Variants in CNIH3 observed in about 807,000 individuals in gnomAD.
The protein encoded by CNIH3 is cornichon family AMPA receptor auxiliary protein 3.
A neutral mutation model predicts 24.1 loss-of-function variants in CNIH3; 14 were observed. The ratio of observed to expected loss-of-function variants is 0.58; its 90% CI spans 0.38 to 0.91. The LOEUF (loss-of-function observed/expected upper bound fraction) is 0.91, where lower values mean the gene tolerates loss of function less well. CNIH3 is among the 40% of genes least tolerant of loss of function. The pLI is 0.00. For synonymous variants in CNIH3, 68 were observed against 73.8 expected, an observed-to-expected ratio of 0.92 and a Z score of 0.40; for missense variants, 178 against 196.8, an observed-to-expected ratio of 0.90 and a Z score of 0.57.
chr1:224,501,898 A>T (rs1205411729), intron 1 of CNIH3, among the ~76,000 whole-genome samples: 1 of 152,096 alleles, frequency 6.6e-6, no homozygotes, highest in Non-Finnish European at 1.5e-5. Flanking sequence ...GTTTGTGACC[A>T]GCTACTTTCC....
intron 1 of CNIH3, among the ~76,000 whole-genome samples, chr1:224,453,563 C>G (rs556380809): frequency 2.6e-5 from 4 of 152,134 alleles, no homozygotes; most frequent in South Asian, 4.2e-4. Flanking sequence ...AGTTCTAACA[C>G]CATAATCAGA....
intron 3 of CNIH3, among the ~76,000 whole-genome samples, chr1:224,547,939 TG>T (rs1679766559): frequency 6.6e-6 from 1 of 151,916 alleles, no homozygotes; most frequent in Non-Finnish European, 1.5e-5. Context: ...AATATCACAG[TG>T]GGTAGACACC....
chr1:224,467,373 T>A (rs1676190326), intron 1 of CNIH3, among the ~76,000 whole-genome samples: 2 of 151,890 alleles, frequency 1.3e-5, no homozygotes, highest in Admixed American at 6.6e-5. Flanking sequence ...CAGAGCAAAA[T>A]TTTCTAATTC....
At chr1:224,446,986 T>C (rs1394463672) in intron 1 of CNIH3, among the ~76,000 whole-genome samples, 2 of 152,106 alleles carry the variant, frequency 1.3e-5, no homozygotes, top group East Asian at 3.9e-4. Context: ...CTTTGGAGGA[T>C]GGTATAAGAA....
intron 1 of CNIH3, among the ~76,000 whole-genome samples, chr1:224,506,823 T>C (rs1253337987): frequency 6.6e-6 from 1 of 152,082 alleles, no homozygotes; most frequent in Non-Finnish European, 1.5e-5. Flanking sequence ...GCTCAGTATC[T>C]ACACGTTGAT....
At chr1:224,534,762 C>A (rs540602359) in intron 2 of CNIH3, among the ~76,000 whole-genome samples, 1 of 152,212 alleles carries the variant, frequency 6.6e-6, no homozygotes, top group Non-Finnish European at 1.5e-5. Flanking sequence ...ACCTGCACCC[C>A]CTCAAGTTTT....
chr1:224,459,507 T>A (rs563830861), intron 1 of CNIH3, among the ~76,000 whole-genome samples: 2 of 152,320 alleles, frequency 1.3e-5, no homozygotes, highest in African/African-American at 4.8e-5. Flanking sequence ...AACTTCTATC[T>A]TGGGCGAGGC....
intron 1 of CNIH3, among the ~76,000 whole-genome samples, chr1:224,666,129 A>G (rs536723068): frequency 6.6e-6 from 1 of 152,284 alleles, no homozygotes; most frequent in East Asian, 1.9e-4. Context: ...ACTGAGACAT[A>G]GGGGATAAAG....
intron 1 of CNIH3, among the ~76,000 whole-genome samples, chr1:224,491,895 A>G (rs1677250246): frequency 6.6e-6 from 1 of 152,160 alleles, no homozygotes. Context: ...GGCATGAGCC[A>G]CTGCACCTGG....
At chr1:224,605,083 T>A (rs886699836) in intron 3 of CNIH3, among the ~76,000 whole-genome samples, 1 of 152,048 alleles carries the variant, frequency 6.6e-6, no homozygotes, top group Non-Finnish European at 1.5e-5. Flanking sequence ...GGCATGACAG[T>A]GTAGAAAACC....
At chr1:224,463,768 T>C (rs1676029667) in intron 1 of CNIH3, among the ~76,000 whole-genome samples, 1 of 131,092 alleles carries the variant, frequency 7.6e-6, no homozygotes, top group East Asian at 2.4e-4. Flanking sequence ...TTATGAATTG[T>C]CCTCATTTTT....
intron 1 of CNIH3, among the ~76,000 whole-genome samples, chr1:224,672,234 T>C (rs1372449019): frequency 6.6e-6 from 1 of 152,100 alleles, no homozygotes; most frequent in African/African-American, 2.4e-5. Flanking sequence ...GGGGGGAGTA[T>C]AAAAGCCTGC....
chr1:224,543,068 C>T (rs1679572225), intron 2 of CNIH3, among the ~76,000 whole-genome samples: 1 of 152,136 alleles, frequency 6.6e-6, no homozygotes, highest in African/African-American at 2.4e-5. Flanking sequence ...AAGGTTGGAG[C>T]TTTGAGCTAT....
rs115206543 is a variant in CNIH3, at chr1:224,453,916, C to T, written n.203+19054C>T. 3.8e-3 allele frequency among the ~76,000 whole-genome samples: 583 copies of T among 152,114 alleles called. 2 individuals carry two copies. The highest frequency in any genetic ancestry group is 0.013 in the African/African-American group (558 of 41,474). Reference sequence around the variant, plus strand: ...TCCCCTCAACAGAACTATTAAAACCCGAGATCAGTTTGTTTAGACACTAGT... The same window carrying T: ...TCCCCTCAACAGAACTATTAAAACCTGAGATCAGTTTGTTTAGACACTAGT... On this transcript the variant is annotated intron_variant and non_coding_transcript_variant, in intron 1 of 5. Coordinates refer to the CNIH3 transcript ENST00000471578.
At chr1:224,593,527 T>G (rs995115456), downstream of CNIH3, among the ~76,000 whole-genome samples, 72 of 152,282 alleles carry the variant, frequency 4.7e-4, no homozygotes, top group African/African-American at 1.6e-3. Flanking sequence ...CTGATTCAGT[T>G]CAGCTAAAAA....
chr1:224,600,560 T>C (rs1476919166), intron 3 of CNIH3, among the ~76,000 whole-genome samples: 2 of 152,154 alleles, frequency 1.3e-5, no homozygotes, highest in African/African-American at 4.8e-5. Flanking sequence ...GTGCAGTGGC[T>C]ATTCACAGGC....
Position 224,508,953 on chromosome 1 carries a change from G to C in CNIH3, n.204-6788G>C, listed in dbSNP as rs1323137860. Among the ~76,000 whole-genome samples the C allele has an allele frequency of 2.0e-5, 3 of 152,300 alleles. No homozygotes were observed. The East Asian group carries it at 5.8e-4, about 29-fold the overall frequency. On this transcript the variant is annotated intron_variant and non_coding_transcript_variant, in intron 1 of 5. Coordinates refer to the CNIH3 transcript ENST00000471578. ...GAACTAGGCATTTGAGTAAAAGCTA[G>C]AGGTAAAATGTGTTATTAGATACTA...
chr1:224,496,713 C>T (rs745956920), intron 1 of CNIH3, among the ~76,000 whole-genome samples: 9 of 152,272 alleles, frequency 5.9e-5, no homozygotes, highest in Middle Eastern at 3.4e-3. Context: ...CTCAGTGTGA[C>T]GGGTACAATA....
chr1:224,574,585 A>G lies in CNIH3; in HGVS notation n.516+8321A>G. 6.3e-6 allele frequency: 5 copies of G among 792,698 alleles called. No individual in the cohort carries two copies. The South Asian group carries it at 6.8e-5, about 11-fold the overall frequency. 49.1% of individuals were successfully genotyped at this position (792,698 alleles called of 1,614,324 possible). ...ATCGACTGTGCCCACGTGTACCAGA[A>G]TGAGAATGACGTGGGGGTGGCCATT... On this transcript the variant is annotated intron_variant and non_coding_transcript_variant, in intron 4 of 5. Coordinates refer to the CNIH3 transcript ENST00000471578.
Sources: allele counts gnomAD v4.1 joint callset (sites outside exome capture counted in the v4.1 genomes callset), GRCh38; gene constraint gnomAD v4.1.1; transcripts MANE v1.5; gene names NCBI Gene and HGNC (gene_info 2026-07-23, HGNC 2026-07-21).